VASH2: variants seen among roughly 807,000 people sequenced by gnomAD.
VASH2 encodes the protein vasohibin 2, also known as tubulinyl-Tyr carboxypeptidase 2.
VASH2 carries 28 observed loss-of-function variants against 37.2 expected under a neutral mutation model. The observed-to-expected ratio is 0.75, with a 90% confidence interval of 0.56 to 1.03. The LOEUF (loss-of-function observed/expected upper bound fraction) is 1.03. VASH2 is among the 50% of genes least tolerant of loss of function. The probability of loss-of-function intolerance (pLI) is 0.00; values close to 1 mark genes in which losing one functional copy is unlikely to be tolerated. For synonymous variants in VASH2, 188 were observed against 174.7 expected (o/e 1.08, Z -0.60); for missense variants, 419 against 459.1 (o/e 0.91, Z 0.80).
chr1:212,972,431 TA>T, intron 5 of VASH2, 148 bp from the exon 6 acceptor site: 1 of 873,780 alleles, frequency 1.1e-6, no homozygotes. Context: ...GAATCCTTTA[TA>T]AAAGGATTAG....
At chr1:212,955,617 G>A (rs1056824826) in intron 2 of VASH2, among the ~76,000 whole-genome samples, 3 of 152,270 alleles carry the variant, frequency 2.0e-5, no homozygotes, top group African/African-American at 7.2e-5. Flanking sequence ...ACTCTCCTTG[G>A]GGCAGAAAAC....
rs1034483690 is a variant in VASH2, at chr1:212,976,562, G to A, written c.995+2492G>A. The stretch of plus-strand genomic sequence containing the variant: ...TCTCCAGTCTGGGCGAAGGAGTGAG[G>A]CCCTGTAAAAAAAAAAAATGGTGAC... On this transcript the variant is annotated intron_variant, in intron 7 of 7. Transcript: ENST00000517399. 8.2e-5 allele frequency among the ~76,000 whole-genome samples: 6 copies of A among 73,162 alleles called. No homozygotes were observed. The East Asian group carries it at 2.3e-3, about 28-fold the overall frequency. 48.0% of individuals were successfully genotyped at this position (73,162 alleles called of 152,430 possible). A position where few individuals can be genotyped will look rare whatever the true frequency, so the allele number is the denominator to read the frequency against.
chr1:212,953,233 G>C (rs368457673), intron 2 of VASH2, among the ~76,000 whole-genome samples: 19 of 126,782 alleles, frequency 1.5e-4, no homozygotes, highest in Middle Eastern at 3.7e-3. Flanking sequence ...GGGTGCGCGG[G>C]GGGGGGTGCA....
chr1:212,963,487 G>C (rs149073315), intron 3 of VASH2, among the ~76,000 whole-genome samples: 1 of 152,288 alleles, frequency 6.6e-6, no homozygotes, highest in African/African-American at 2.4e-5. Flanking sequence ...TCCTGACTGT[G>C]AATGTGCTCA....
At position 212,991,008 on chromosome 1, in the gene VASH2, T is replaced by C. The variant is rs1009217299; in HGVS notation, c.*2424T>C. Reference sequence around the variant, plus strand: ...ATTCAAAATATAAAAAATAAAACTATGAAGTGATTTGAAATCGGTTTTAAA... The same window carrying C: ...ATTCAAAATATAAAAAATAAAACTACGAAGTGATTTGAAATCGGTTTTAAA... On this transcript the variant is annotated 3_prime_UTR_variant, in exon 8 of 8. Transcript: ENST00000517399. 9.2e-5 allele frequency: 14 copies of C among 152,318 alleles called. No individual in the cohort carries two copies. The East Asian group carries it at 2.7e-3, about 29-fold the overall frequency. 9.4% of individuals were successfully genotyped at this position (152,318 alleles called of 1,614,324 possible). A position where few individuals can be genotyped will look rare whatever the true frequency, so the allele number is the denominator to read the frequency against.
rs954169893 is a variant in VASH2 at position 212,964,168 on chromosome 1, C to T, written c.366-1554C>T. On this transcript the variant is annotated intron_variant, in intron 3 of 7. Transcript: ENST00000517399. Reference sequence around the variant, plus strand: ...TCTGAGTAGCATCTGGGGTTATGCTCCATGGCCTGAAATCAGACTCTCCAG... The same window carrying T: ...TCTGAGTAGCATCTGGGGTTATGCTTCATGGCCTGAAATCAGACTCTCCAG... Among the ~76,000 whole-genome samples the T allele has an allele frequency of 2.0e-5, 3 of 152,208 alleles. No homozygotes were observed. The East Asian group carries it at 5.8e-4, about 29-fold the overall frequency.
intron 7 of VASH2, among the ~76,000 whole-genome samples, chr1:212,981,667 C>T (rs1430055826): frequency 6.6e-6 from 1 of 152,224 alleles, no homozygotes; most frequent in African/African-American, 2.4e-5. Context: ...GCAGGCTGTA[C>T]CGCCAGTCTG....
intron 7 of VASH2, among the ~76,000 whole-genome samples, chr1:212,975,497 C>T (rs1399115283): frequency 6.6e-6 from 1 of 152,238 alleles, no homozygotes; most frequent in African/African-American, 2.4e-5. Context: ...CACGTGGCCT[C>T]CTGACCCCAA....
At chr1:212,979,771 A>C (rs1667286108) in intron 7 of VASH2, among the ~76,000 whole-genome samples, 1 of 152,168 alleles carries the variant, frequency 6.6e-6, no homozygotes, top group African/African-American at 2.4e-5. Context: ...GTCCTTTCTC[A>C]CACTGCTCCT....
chr1:212,973,833 T>A, intron 6 of VASH2, 122 bp from the exon 7 acceptor site: 1 of 1,445,790 alleles, frequency 6.9e-7, no homozygotes, highest in Non-Finnish European at 9.1e-7. Context: ...GTCTTCCTGC[T>A]CAATGCCTTC....
In VASH2 at chr1:212,972,680, T is replaced by C; in HGVS notation, c.598T>C (p.Cys200Arg). 2.5e-6 allele frequency: 4 copies of C among 1,614,220 alleles called. No homozygotes were observed. The highest frequency in any genetic ancestry group is 1.1e-5 in the South Asian group (1 of 91,082). The change falls in exon 6 of 8, where the codon TGC becomes CGC. Residue 200 changes from cysteine to arginine, a missense_variant. This residue lies in a region of VASH2 where 84 missense variants were observed against 129.9 expected (regional missense o/e 0.65). Coordinates refer to ENST00000517399, the MANE Select transcript of VASH2 (RefSeq NM_001301056.2). ...TCACCACGTTGTGCTGGGGATTTAC[T>C]GCAATGGCCGCTATGGCTCATTGGG... The part of the protein sequence containing the change: ...YFHHVVLGIY[C>R]NGRYGSLGMS...
rs964357299 is a variant in VASH2 at position 212,971,558 on chromosome 1, C to A, written c.498-1022C>A. Among the ~76,000 whole-genome samples the A allele has an allele frequency of 5.9e-5, 9 of 152,252 alleles. No individual in the cohort carries two copies. In the East Asian group the frequency reaches 1.5e-3, roughly 26 times the overall value. On this transcript the variant is annotated intron_variant, in intron 5 of 7. Transcript: ENST00000517399. This position sits in a 1 kb window ranked among gnomAD's most constrained non-coding sequence, Gnocchi z 4.0. The stretch of plus-strand genomic sequence containing the variant: ...TTGTTCCAGCCCCAGAGAACTTGCC[C>A]CAGAAAGCAGCTAGGAATTTACGTA...
At chr1:212,986,144 T>C (rs190542960) in intron 7 of VASH2, among the ~76,000 whole-genome samples, 151 of 152,356 alleles carry the variant, frequency 9.9e-4, no homozygotes, top group African/African-American at 2.5e-3. Context: ...AAAGGTAGTA[T>C]GGAAATAATA....
At chr1:212,973,333 G>T (rs1667067877) in intron 6 of VASH2, 1 of 1,229,442 alleles carries the variant, frequency 8.1e-7, no homozygotes, top group Non-Finnish European at 1.1e-6. Flanking sequence ...TTATATGCTG[G>T]CCTTATATAG....
At chr1:212,969,590 G>A (rs945677810) in intron 5 of VASH2, among the ~76,000 whole-genome samples, 4 of 152,176 alleles carry the variant, frequency 2.6e-5, no homozygotes, top group African/African-American at 9.6e-5. Context: ...TAGTAGAGAT[G>A]AGGTTTCACC....
At chr1:212,988,368 G>A in intron 7 of VASH2, 144 bp from the exon 8 acceptor site, 1 of 769,160 alleles carries the variant, frequency 1.3e-6, no homozygotes, top group East Asian at 2.7e-5. Context: ...AGAGTTGTGA[G>A]CTAAGGCTGG....
At chr1:212,984,964 C>T (rs973159711) in intron 7 of VASH2, among the ~76,000 whole-genome samples, 3 of 152,172 alleles carry the variant, frequency 2.0e-5, no homozygotes, top group African/African-American at 7.2e-5. Flanking sequence ...TTAGCACCCA[C>T]TGTTAGTGGA....
rs1246446084 is a variant in VASH2, at chr1:212,972,656, C to A, written c.574C>A (p.His192Asn). 3 of 1,614,116 alleles carry A rather than the reference C, an allele frequency of 1.9e-6. No homozygotes were observed. Among genetic ancestry groups the A allele is most frequent in the Non-Finnish European group, 2.5e-6 (3 of 1,180,056 alleles). Residue 192 changes from histidine (H) to asparagine (N), a missense_variant, in exon 6 of 8, where the codon CAC becomes AAC. Physicochemically the swap from His to Asn is moderately conservative, Grantham distance 68 (BLOSUM62 1). Around this residue, in one of 3 missense-constraint regions of VASH2, gnomAD observed 84 missense variants for 129.9 expected, o/e 0.65. Transcript: ENST00000517399. ...AACCTACTTCTCAGGAAACTACTTT[C>A]ACCACGTTGTGCTGGGGATTTACTG... ...FKTYFSGNYF[H>N]HVVLGIYCNG...
intron 2 of VASH2, among the ~76,000 whole-genome samples, chr1:212,957,021 T>C (rs1293005957): frequency 6.6e-6 from 1 of 152,174 alleles, no homozygotes; most frequent in Non-Finnish European, 1.5e-5. Context: ...CACACTAACT[T>C]TCCATTTCCC....
Sources: allele counts gnomAD v4.1 joint callset (sites outside exome capture counted in the v4.1 genomes callset), GRCh38; gene constraint gnomAD v4.1.1; regional missense constraint gnomAD v4.1.1; non-coding constraint Gnocchi (gnomAD v3.1); transcripts MANE v1.5; gene names NCBI Gene and HGNC (gene_info 2026-07-23, HGNC 2026-07-21).